Variants in HSD17B3 observed in about 807,000 individuals in gnomAD.
The protein encoded by HSD17B3 is 17-beta-hydroxysteroid dehydrogenase type 3.
HSD17B3 carries 29 observed loss-of-function variants against 41.1 expected under a neutral mutation model. That is an observed-to-expected ratio of 0.71 (90% CI 0.53 to 0.96). The LOEUF is 0.96. HSD17B3 is among the 40% of genes least tolerant of loss of function. The pLI is 0.00. For synonymous variants in HSD17B3, 126 were observed against 145.6 expected (o/e 0.87, Z 0.97); for missense variants, 323 against 374.6 (o/e 0.86, Z 1.14).
At chr9:96,248,224 C>T (rs1268287962) in intron 6 of HSD17B3, among the ~76,000 whole-genome samples, 1 of 152,090 alleles carries the variant, frequency 6.6e-6, no homozygotes, top group Non-Finnish European at 1.5e-5. Flanking sequence ...CTCCAAAAAG[C>T]CATCAATTGC....
In HSD17B3 at chr9:96,270,203, A is replaced by G. The variant is rs112596399; in HGVS notation, c.202-15260T>C. Among the ~76,000 whole-genome samples, 7 of 151,982 alleles carry G rather than the reference A, an allele frequency of 4.6e-5. 1 individual carries two copies. Among genetic ancestry groups the G allele is most frequent in the African/African-American group, 1.7e-4 (7 of 41,476 alleles). ...TTTATCATTTTTTGTAACCATATCT[A>G]TGCATTACATACACTCTTATTTGAT... On this transcript the variant is annotated intron_variant, in intron 2 of 10. Coordinates refer to ENST00000375263, the MANE Select transcript of HSD17B3 (RefSeq NM_000197.2).
chr9:96,292,775 A>C (rs896424612), intron 2 of HSD17B3, among the ~76,000 whole-genome samples: 15 of 152,366 alleles, frequency 9.8e-5, no homozygotes, highest in Admixed American at 3.9e-4. Flanking sequence ...CAAAGAAAAA[A>C]TTTTGAAAGC....
chr9:96,248,302 T>C (rs976350198), intron 6 of HSD17B3, among the ~76,000 whole-genome samples: 7 of 152,232 alleles, frequency 4.6e-5, no homozygotes, highest in Admixed American at 1.3e-4. Context: ...AGCATGCTTA[T>C]AGAAAAACAA....
intron 3 of HSD17B3, among the ~76,000 whole-genome samples, chr9:96,254,158 A>C (rs1825536619): frequency 6.6e-6 from 1 of 152,234 alleles, no homozygotes; most frequent in Non-Finnish European, 1.5e-5. Context: ...AAATCATCAT[A>C]ATAAAACATT....
intron 2 of HSD17B3, among the ~76,000 whole-genome samples, chr9:96,272,448 A>AT (rs1826302503): frequency 1.2e-5 from 1 of 84,866 alleles, no homozygotes; most frequent in Non-Finnish European, 2.3e-5. Flanking sequence ...TATATATATA[A>AT]AATATATATG....
chr9:96,240,047 G>T (rs952847110), intron 10 of HSD17B3: 41 of 140,076 alleles, frequency 2.9e-4, no homozygotes, highest in African/African-American at 1.1e-3. Flanking sequence ...ACAGGGAGGG[G>T]AACATCACAC....
chr9:96,286,322 T>A (rs1161495895), intron 2 of HSD17B3, among the ~76,000 whole-genome samples: 1 of 149,690 alleles, frequency 6.7e-6, no homozygotes, highest in African/African-American at 2.5e-5. Flanking sequence ...CTAGCCTAGG[T>A]GACAGAGTGA....
At chr9:96,249,113 G>A (rs938084297) in intron 6 of HSD17B3, among the ~76,000 whole-genome samples, 19 of 152,082 alleles carry the variant, frequency 1.2e-4, no homozygotes, top group African/African-American at 4.6e-4. Context: ...CACCATGTTG[G>A]ACAGGACGGT....
intron 10 of HSD17B3, among the ~76,000 whole-genome samples, chr9:96,238,028 C>A (rs775039646): frequency 6.6e-6 from 1 of 151,860 alleles, no homozygotes; most frequent in Non-Finnish European, 1.5e-5. Context: ...CCAGCTACTG[C>A]GGAGGCTGAG....
chr9:96,253,483 T>C (rs1825509322), intron 3 of HSD17B3, among the ~76,000 whole-genome samples: 1 of 152,246 alleles, frequency 6.6e-6, no homozygotes, highest in African/African-American at 2.4e-5. Context: ...CTTATGGTCA[T>C]TGTCCCTACA....
At chr9:96,267,403 C>A (rs968098147) in intron 2 of HSD17B3, among the ~76,000 whole-genome samples, 2 of 151,926 alleles carry the variant, frequency 1.3e-5, no homozygotes, top group Non-Finnish European at 2.9e-5. Flanking sequence ...AGTGATCCAC[C>A]CACCTCGGCC....
At chr9:96,280,232 G>C (rs1291329487) in intron 2 of HSD17B3, among the ~76,000 whole-genome samples, 1 of 152,182 alleles carries the variant, frequency 6.6e-6, no homozygotes, top group Non-Finnish European at 1.5e-5. Flanking sequence ...CCAAGAGAAG[G>C]GGTCCATTCG....
At chr9:96,259,087 C>A (rs1489297867) in intron 2 of HSD17B3, among the ~76,000 whole-genome samples, 1 of 152,172 alleles carries the variant, frequency 6.6e-6, no homozygotes, top group Admixed American at 6.5e-5. Flanking sequence ...CCTCTGTTAA[C>A]CACCTTGATC....
At chr9:96,275,613 AC>A (rs1375401567) in intron 2 of HSD17B3, among the ~76,000 whole-genome samples, 2 of 151,976 alleles carry the variant, frequency 1.3e-5, no homozygotes, top group Non-Finnish European at 2.9e-5. Context: ...AACTCTTTCT[AC>A]AAAAACACAA....
intron 7 of HSD17B3, 70 bp downstream of exon 7, chr9:96,246,486 G>T: frequency 7.4e-7 from 1 of 1,358,054 alleles, no homozygotes; most frequent in Non-Finnish European, 1.1e-6. Flanking sequence ...TGTGTCCCCA[G>T]TCCCTGAGTT....
intron 2 of HSD17B3, among the ~76,000 whole-genome samples, chr9:96,263,281 AC>A (rs1425909279): frequency 1.3e-5 from 2 of 152,026 alleles, no homozygotes; most frequent in Non-Finnish European, 2.9e-5. Context: ...CGCAAGCCTC[AC>A]CTTAGTCCTG....
chr9:96,289,497 G>A (rs1165529908), intron 2 of HSD17B3, among the ~76,000 whole-genome samples: 1 of 152,082 alleles, frequency 6.6e-6, no homozygotes. Context: ...CCATTTTTGA[G>A]TCTTGGAATC....
chr9:96,287,625 A>T (rs1324382724), intron 2 of HSD17B3, among the ~76,000 whole-genome samples: 2 of 152,088 alleles, frequency 1.3e-5, no homozygotes, highest in African/African-American at 2.4e-5. Flanking sequence ...CAGGAGAATC[A>T]CTTGAACCCG....
intron 2 of HSD17B3, among the ~76,000 whole-genome samples, chr9:96,290,164 C>G (rs72621421): frequency 0.19 from 28,196 of 151,980 alleles, 2,955 homozygotes; most frequent in Admixed American, 0.31. Context: ...ACCCCAGGCC[C>G]ATCCCTCTCC....
Sources: allele counts gnomAD v4.1 joint callset (sites outside exome capture counted in the v4.1 genomes callset), GRCh38; gene constraint gnomAD v4.1.1; transcripts MANE v1.5; gene names NCBI Gene and HGNC (gene_info 2026-07-23, HGNC 2026-07-21).